PBRM1: variants seen among roughly 807,000 people sequenced by gnomAD.
PBRM1 encodes the protein protein polybromo-1.
Under a neutral mutation model 194.5 loss-of-function variants are expected in PBRM1, and 27 were observed. That is an observed-to-expected ratio of 0.14 (90% CI 0.10 to 0.19). The LOEUF (loss-of-function observed/expected upper bound fraction) is 0.19, where lower values mean the gene tolerates loss of function less well. Among genes scored for constraint, PBRM1 ranks in the 10% least tolerant of loss-of-function variants. The probability of loss-of-function intolerance (pLI) is 1.00; values close to 1 mark genes in which losing one functional copy is unlikely to be tolerated. For missense variants in PBRM1, 1,466 were observed against 2,077.2 expected (o/e 0.71, Z 5.72); for synonymous variants, 655 against 693.2 (o/e 0.94, Z 0.87).
rs2097074231 is a variant in PBRM1, at chr3:52,675,333, G to T, written c.236+3167C>A. ...CCTTATGAAACTTTTCCAAAAAATT[G>T]AAGAGGCGAGGTCACGTCCTAACTT... On this transcript the variant is annotated intron_variant, in intron 2 of 29. Coordinates refer to ENST00000296302, the Ensembl canonical transcript of PBRM1. Among the ~76,000 whole-genome samples, 3 of 152,272 alleles carry T rather than the reference G, an allele frequency of 2.0e-5. No homozygotes were observed. The East Asian group carries it at 5.8e-4, about 29-fold the overall frequency.
chr3:52,579,377 A>T, intron 20 of PBRM1, 178 bp from the exon 23 acceptor site: 1 of 607,538 alleles, frequency 1.6e-6, no homozygotes, highest in East Asian at 2.8e-5. Context: ...CTTGAGCCCA[A>T]GAGTTTGAGA....
intron 13 of PBRM1, among the ~76,000 whole-genome samples, chr3:52,626,379 C>A (rs887023537): frequency 1.3e-5 from 2 of 152,208 alleles, no homozygotes; most frequent in African/African-American, 4.8e-5. Flanking sequence ...CTTTTCTAAA[C>A]TACTTTTTAA....
chr3:52,664,745 G>GA (rs1479643697), intron 3 of PBRM1, among the ~76,000 whole-genome samples: 6 of 146,788 alleles, frequency 4.1e-5, no homozygotes, highest in South Asian at 2.2e-4. Context: ...AAAAAAAAAA[G>GA]AAAAAAAAAG....
intron 21 of PBRM1, among the ~76,000 whole-genome samples, 190 bp from the exon 24 acceptor site, chr3:52,576,888 A>C (rs2089766325): frequency 6.6e-6 from 1 of 152,210 alleles, no homozygotes; most frequent in South Asian, 2.1e-4. Flanking sequence ...AGAAAAAGAG[A>C]AAGGAACATT....
chr3:52,565,922 C>A (rs532583940), intron 22 of PBRM1, among the ~76,000 whole-genome samples: 2 of 152,062 alleles, frequency 1.3e-5, no homozygotes, highest in Admixed American at 6.6e-5. Flanking sequence ...TGGTTGCAGG[C>A]GCCTGTAGTC....
intron 3 of PBRM1, among the ~76,000 whole-genome samples, chr3:52,667,168 T>C (rs1158241767): frequency 1.3e-5 from 2 of 152,142 alleles, no homozygotes; most frequent in African/African-American, 2.4e-5. Flanking sequence ...CCTAGCTGCA[T>C]TAAAGGCTTA....
intron 20 of PBRM1, among the ~76,000 whole-genome samples, chr3:52,582,237 G>A (rs570066308): frequency 7.7e-5 from 6 of 78,048 alleles, no homozygotes; most frequent in African/African-American, 1.7e-4. Context: ...GCGAGACTCC[G>A]TTTCAAAAAA....
chr3:52,553,488 C>CT (rs35486235), intron 27 of PBRM1, among the ~76,000 whole-genome samples: 5,852 of 128,944 alleles, frequency 0.045, 207 homozygotes, highest in Non-Finnish European at 0.059. Context: ...TAATGTCAGG[C>CT]TTTTTTTTTT....
intron 13 of PBRM1, among the ~76,000 whole-genome samples, chr3:52,621,409 C>T (rs900515966): frequency 1.1e-4 from 17 of 152,204 alleles, no homozygotes; most frequent in African/African-American, 3.9e-4. Context: ...ATGATCTGCC[C>T]GCCTCGGCCT....
chr3:52,610,210 A>G (rs2094537849), intron 15 of PBRM1, among the ~76,000 whole-genome samples: 1 of 152,212 alleles, frequency 6.6e-6, no homozygotes, highest in African/African-American at 2.4e-5. Context: ...GCAAATGAGT[A>G]GCTATGTGAC....
At chr3:52,653,499 G>C (rs2096548336) in intron 5 of PBRM1, among the ~76,000 whole-genome samples, 1 of 151,638 alleles carries the variant, frequency 6.6e-6, no homozygotes, top group African/African-American at 2.4e-5. Flanking sequence ...TGAGGCAGGA[G>C]AATCGCTTGA....
chr3:52,672,554 G>A (rs962458470), intron 2 of PBRM1, among the ~76,000 whole-genome samples: 3 of 140,392 alleles, frequency 2.1e-5, no homozygotes, highest in Non-Finnish European at 3.0e-5. Flanking sequence ...GAGTGCAACA[G>A]CGTTATCTCC....
intron 17 of PBRM1, among the ~76,000 whole-genome samples, chr3:52,598,031 T>A (rs776690530): frequency 6.6e-6 from 1 of 152,160 alleles, no homozygotes; most frequent in Admixed American, 6.5e-5. Context: ...TTTATTTCTG[T>A]TGTTGTTCTA....
At chr3:52,568,566 G>C (rs1199885339) in intron 22 of PBRM1, among the ~76,000 whole-genome samples, 1 of 151,920 alleles carries the variant, frequency 6.6e-6, no homozygotes, top group African/African-American at 2.4e-5. Flanking sequence ...GTTTCTTTTG[G>C]TATCTTTGTT....
upstream of PBRM1, chr3:52,679,758 T>A: frequency 6.4e-7 from 1 of 1,571,418 alleles, no homozygotes; most frequent in Non-Finnish European, 8.7e-7. Flanking sequence ...GTTCTTACAT[T>A]TAAATAGACT....
At chr3:52,580,510 T>C (rs1054025843) in intron 20 of PBRM1, among the ~76,000 whole-genome samples, 7 of 151,968 alleles carry the variant, frequency 4.6e-5, no homozygotes, top group Admixed American at 1.3e-4. Context: ...AGGCACCCGC[T>C]ACCATGCCCA....
chr3:52,613,841 C>T (rs2153458365), intron 15 of PBRM1, among the ~76,000 whole-genome samples: 1 of 151,970 alleles, frequency 6.6e-6, no homozygotes, highest in South Asian at 2.1e-4. Context: ...TTAAAACAAA[C>T]AAACAAACAA....
At chr3:52,585,137 T>TC (rs2092165683) in intron 20 of PBRM1, among the ~76,000 whole-genome samples, 1 of 152,202 alleles carries the variant, frequency 6.6e-6, no homozygotes, top group African/African-American at 2.4e-5. Flanking sequence ...ACTTACTTTT[T>TC]CCCCCAAGTA....
Position 52,662,294 on chromosome 3 carries a change from G to GAAA in PBRM1, c.385-21_385-19dup. On this transcript the variant is annotated intron_variant, in intron 3 of 29. Coordinates refer to ENST00000296302, the Ensembl canonical transcript of PBRM1. The stretch of plus-strand genomic sequence containing the variant: ...GAATCTGGCTGTATGTTAGCAAAGA[G>GAAA]AAAAAAAAAAACACTTTAGTAATGT... The GAAA allele has an allele frequency of 3.3e-6, 4 of 1,215,374 alleles. No homozygotes were observed. Among genetic ancestry groups the GAAA allele is most frequent in the East Asian group, 3.1e-5 (1 of 31,832 alleles). The allele number at this position is 1,215,374 out of a possible 1,614,324, so 75.3% of individuals were successfully genotyped here. A position where few individuals can be genotyped will look rare whatever the true frequency, so the allele number is the denominator to read the frequency against.
Sources: gnomAD v4.1 joint callset for allele counts (sites outside exome capture counted in the v4.1 genomes callset) on GRCh38, gnomAD v4.1.1 for gene constraint, MANE v1.5 for transcripts, NCBI Gene and HGNC (gene_info 2026-07-23, HGNC 2026-07-21) for gene names.